Variants in CDH7 observed in about 807,000 individuals in gnomAD.
CDH7 encodes cadherin-7.
CDH7 carries 25 observed loss-of-function variants against 71.8 expected under a neutral mutation model. The ratio of observed to expected loss-of-function variants is 0.35; its 90% confidence interval spans 0.25 to 0.49. CDH7 has a LOEUF of 0.49. CDH7 is among the 20% of genes least tolerant of loss of function. CDH7 has a pLI of 0.99. For synonymous variants in CDH7, 381 were observed against 363.8 expected (o/e 1.05, Z -0.54); for missense variants, 862 against 974.6 (o/e 0.88, Z 1.54).
At chr18:65,868,015 A>G (rs1010806364) in intron 11 of CDH7, among the ~76,000 whole-genome samples, 1 of 152,002 alleles carries the variant, frequency 6.6e-6, no homozygotes, top group Non-Finnish European at 1.5e-5. Flanking sequence ...CAACAGAAAA[A>G]TGCTTTCTTG....
chr18:65,825,624 C>T (rs8095862), intron 6 of CDH7, among the ~76,000 whole-genome samples: 146,589 of 151,872 alleles, frequency 0.97, 70,939 homozygotes, highest in East Asian at 1. Flanking sequence ...CCCTAAGATA[C>T]GAAATTTTTT....
chr18:65,765,809 A>G (rs2080961013), intron 2 of CDH7, among the ~76,000 whole-genome samples: 2 of 152,066 alleles, frequency 1.3e-5, no homozygotes, highest in African/African-American at 4.8e-5. Flanking sequence ...ACCACTTTCT[A>G]CTAGTTGTAT....
intron 2 of CDH7, among the ~76,000 whole-genome samples, chr18:65,774,307 G>A (rs541067813): frequency 6.9e-4 from 105 of 151,868 alleles, no homozygotes; most frequent in Non-Finnish European, 1.3e-3. Context: ...CTTGAAGGAA[G>A]CTATAATAAA....
chr18:65,886,295 G>T lies in CDH7; in HGVS notation c.*5401G>T, dbSNP rs1394021810. On this transcript the variant is annotated 3_prime_UTR_variant, in exon 12 of 12. Transcript: ENST00000397968. Reference sequence around the variant, plus strand: ...TGATAATTGTTATATGGTAAACAGAGAATTTCTGTTTGGAGATACATACAT... The same window carrying T: ...TGATAATTGTTATATGGTAAACAGATAATTTCTGTTTGGAGATACATACAT... The T allele has an allele frequency of 6.6e-6, 1 of 152,156 alleles. No individual in the cohort carries two copies. Among genetic ancestry groups the T allele is most frequent in the Non-Finnish European group, 1.5e-5 (1 of 68,026 alleles). The allele number at this position is 152,156 out of a possible 1,614,324, so 9.4% of individuals were successfully genotyped here. A position where few individuals can be genotyped will look rare whatever the true frequency, so the allele number is the denominator to read the frequency against.
At chr18:65,778,119 A>G (rs527811922) in intron 2 of CDH7, among the ~76,000 whole-genome samples, 129 of 152,150 alleles carry the variant, frequency 8.5e-4, no homozygotes, top group South Asian at 1.2e-3. Flanking sequence ...TAAAAATACA[A>G]AAATTAGCTG....
chr18:65,768,628 A>G (rs956800118), intron 2 of CDH7, among the ~76,000 whole-genome samples: 4 of 152,184 alleles, frequency 2.6e-5, no homozygotes, highest in Non-Finnish European at 5.9e-5. Context: ...GACAAGCTTT[A>G]TGTGCATTGC....
intron 2 of CDH7, among the ~76,000 whole-genome samples, chr18:65,766,031 T>A (rs1019315923): frequency 9.2e-5 from 14 of 152,258 alleles, no homozygotes; most frequent in African/African-American, 3.4e-4. Context: ...TTGTTACATG[T>A]GAAATGTTAT....
rs1377531163 is a variant in CDH7 at position 65,781,796 on chromosome 18, T to A, written c.210+18744T>A. Among the ~76,000 whole-genome samples the A allele has an allele frequency of 1.6e-4, 11 of 70,408 alleles. 1 individual carries two copies. The highest frequency in any genetic ancestry group is 3.8e-4 in the African/African-American group (4 of 10,584). 46.2% of individuals were successfully genotyped at this position (70,408 alleles called of 152,430 possible). The stretch of plus-strand genomic sequence containing the variant: ...CTTCCTTCCTTCCTTCCTTCCTTCC[T>A]TCCTTCCTTCCTTCCTTCCTTCCTT... On this transcript the variant is annotated intron_variant, in intron 2 of 11. Coordinates refer to ENST00000397968, the MANE Select transcript of CDH7 (RefSeq NM_004361.5).
intron 7 of CDH7, among the ~76,000 whole-genome samples, chr18:65,854,010 T>G (rs1327765547): frequency 7.3e-6 from 1 of 137,466 alleles, no homozygotes; most frequent in Non-Finnish European, 1.5e-5. Flanking sequence ...TACACACAAT[T>G]TAGAAGGGGT....
rs1913463773 is a variant in CDH7 at position 65,858,957 on chromosome 18, G to T, written c.1405G>T (p.Ala469Ser). The part of the protein sequence containing the change: ...NPSQVGRGYV[A>S]ITILDINDNA... ...ATCTCAAGTAGGAAGAGGCTATGTG[G>T]CCATCACTATACTTGACATCAATGA... Residue 469 changes from alanine (A) to serine (S), a missense_variant, in exon 9 of 12, where the codon GCC becomes TCC. Transcript: ENST00000397968. 1 of 1,611,408 alleles carries T rather than the reference G, an allele frequency of 6.2e-7. No individual in the cohort carries two copies. Among genetic ancestry groups the T allele is most frequent in the East Asian group, 2.2e-5 (1 of 44,832 alleles).
intron 2 of CDH7, among the ~76,000 whole-genome samples, chr18:65,798,130 T>C (rs189114050): frequency 2.0e-5 from 3 of 152,188 alleles, no homozygotes; most frequent in Non-Finnish European, 4.4e-5. Context: ...TTCTTTCTCT[T>C]CTCAAATAAA....
chr18:65,820,282 T>G (rs1233986088), intron 4 of CDH7, among the ~76,000 whole-genome samples: 1 of 151,246 alleles, frequency 6.6e-6, no homozygotes, highest in African/African-American at 2.4e-5. Flanking sequence ...AGATTTTTTT[T>G]TTGCTAAGCC....
chr18:65,825,785 T>C (rs2143945922), intron 6 of CDH7, among the ~76,000 whole-genome samples: 1 of 152,012 alleles, frequency 6.6e-6, no homozygotes, highest in Non-Finnish European at 1.5e-5. Flanking sequence ...TTATTTCCAG[T>C]GGACAGCTGC....
intron 2 of CDH7, among the ~76,000 whole-genome samples, chr18:65,789,396 T>C (rs1910626336): frequency 6.6e-6 from 1 of 152,138 alleles, no homozygotes; most frequent in African/African-American, 2.4e-5. Flanking sequence ...GGCCAAAGTA[T>C]AGGACAAATA....
At chr18:65,825,584 G>A (rs1198974404) in intron 6 of CDH7, among the ~76,000 whole-genome samples, 1 of 151,650 alleles carries the variant, frequency 6.6e-6, no homozygotes, top group Non-Finnish European at 1.5e-5. Flanking sequence ...TCAACTATTT[G>A]AAACATTAAA....
intron 1 of CDH7, among the ~76,000 whole-genome samples, chr18:65,761,644 A>G (rs1223600643): frequency 6.6e-6 from 1 of 152,132 alleles, no homozygotes; most frequent in African/African-American, 2.4e-5. Context: ...AAAGTGCAAC[A>G]TGGTGATTTA....
chr18:65,824,799 G>T lies in CDH7; in HGVS notation c.949G>T (p.Glu317Ter). 1 of 1,611,586 alleles carries T rather than the reference G, an allele frequency of 6.2e-7. No individual in the cohort carries two copies. Among genetic ancestry groups the T allele is most frequent in the Non-Finnish European group, 8.5e-7 (1 of 1,178,186 alleles). Residue 317 changes from glutamate (E) to a stop codon, truncating the protein, a stop_gained, in exon 6 of 12, where the codon GAA (glutamate) becomes TAA (stop). Transcript: ENST00000397968. LOFTEE classifies it high-confidence loss of function. The part of the protein sequence containing the change: ...LGIFKISVDK[E>*]TQEGIITIQK... ...CATTTTTAAGATTTCTGTTGACAAA[G>T]AAACCCAGGAAGGAATCATTACTAT... is the stretch of plus-strand genomic sequence containing the variant.
chr18:65,781,839 T>TG (rs1910232265), intron 2 of CDH7, among the ~76,000 whole-genome samples: 13 of 95,098 alleles, frequency 1.4e-4, no homozygotes, highest in African/African-American at 8.1e-4. Flanking sequence ...TCTTTCTTTC[T>TG]TTCTTTCTTT....
intron 11 of CDH7, among the ~76,000 whole-genome samples, chr18:65,875,184 TAG>T (rs1300480358): frequency 6.6e-6 from 1 of 152,190 alleles, no homozygotes; most frequent in Non-Finnish European, 1.5e-5. Flanking sequence ...ACCCCTGCTG[TAG>T]AGCAAATATA....
Sources: gnomAD v4.1 joint callset for allele counts (sites outside exome capture counted in the v4.1 genomes callset) on GRCh38, gnomAD v4.1.1 for gene constraint, MANE v1.5 for transcripts, NCBI Gene and HGNC (gene_info 2026-07-23, HGNC 2026-07-21) for gene names.